The following DOCK4 variants were observed in gnomAD, a reference collection of about 807,000 sequenced individuals.
The protein encoded by DOCK4 is dedicator of cytokinesis 4.
A neutral mutation model predicts 268.1 loss-of-function variants in DOCK4; 97 were observed. The observed-to-expected ratio is 0.36, with a 90% CI of 0.31 to 0.43. The LOEUF is 0.43. Among genes scored for constraint, DOCK4 ranks in the 20% least tolerant of loss-of-function variants. DOCK4 has a pLI of 1.00. For missense variants in DOCK4, 2,145 were observed against 2,455.7 expected (o/e 0.87, Z 2.67); for synonymous variants, 954 against 887.2 (o/e 1.08, Z -1.34).
chr7:111,736,299 AAGCCCCGACCCCGT>A (rs1289179409), intron 50 of DOCK4, among the ~76,000 whole-genome samples: 2 of 152,114 alleles, frequency 1.3e-5, no homozygotes, highest in Non-Finnish European at 2.9e-5. Flanking sequence ...GACTTGCTGC[AAGCCCCGACCCCGT>A]AGCTGAGGAA....
chr7:112,130,896 CAG>C (rs1322552324), intron 1 of DOCK4, among the ~76,000 whole-genome samples: 7 of 152,196 alleles, frequency 4.6e-5, no homozygotes, highest in African/African-American at 7.2e-5. Context: ...GTCTCTGGAA[CAG>C]AGTCTTTATT....
intron 16 of DOCK4, among the ~76,000 whole-genome samples, chr7:111,878,268 T>C (rs938366107): frequency 2.6e-5 from 4 of 152,254 alleles, no homozygotes; most frequent in African/African-American, 9.6e-5. Context: ...CCTGCTGATG[T>C]GTCCGACTTT....
At chr7:111,883,462 T>A (rs1205057630) in intron 16 of DOCK4, among the ~76,000 whole-genome samples, 1 of 152,186 alleles carries the variant, frequency 6.6e-6, no homozygotes, top group Non-Finnish European at 1.5e-5. Context: ...GAGCCTGCCC[T>A]GGTCTAGTAT....
intron 1 of DOCK4, among the ~76,000 whole-genome samples, chr7:112,060,291 G>A (rs1444526233): frequency 6.6e-6 from 1 of 152,088 alleles, no homozygotes; most frequent in African/African-American, 2.4e-5. Context: ...CATTAGAATG[G>A]CTTCTATCAA....
rs149907336 is a variant in DOCK4 at position 111,858,188 on chromosome 7, T to C, written c.2473+5184A>G. ...TTCAGACAACATTTCATTCCCTTCT[T>C]TGGTGCTGACATTCACATATGTCCT... On this transcript the variant is annotated intron_variant, in intron 23 of 52. Coordinates refer to ENST00000428084, the MANE Select transcript of DOCK4 (RefSeq NM_001363540.2). Among the ~76,000 whole-genome samples the C allele has an allele frequency of 9.5e-3, 1,454 of 152,284 alleles. 20 individuals carry two copies. Among genetic ancestry groups the C allele is most frequent in the African/African-American group, 0.033 (1,369 of 41,562 alleles).
chr7:111,892,651 T>A (rs1329654196), intron 16 of DOCK4, among the ~76,000 whole-genome samples: 1 of 152,244 alleles, frequency 6.6e-6, no homozygotes, highest in Non-Finnish European at 1.5e-5. Flanking sequence ...TAATTTGAAA[T>A]ACACTTCTCT....
chr7:112,028,218 C>G (rs1476421911), intron 1 of DOCK4, among the ~76,000 whole-genome samples: 1 of 152,116 alleles, frequency 6.6e-6, no homozygotes, highest in Non-Finnish European at 1.5e-5. Context: ...AAAAGATTAA[C>G]CTGAAGAAGG....
intron 23 of DOCK4, among the ~76,000 whole-genome samples, chr7:111,853,755 G>A (rs1215335375): frequency 6.6e-6 from 1 of 152,116 alleles, no homozygotes; most frequent in Admixed American, 6.6e-5. Flanking sequence ...CATGTACTGT[G>A]TACATCTTAC....
chr7:112,100,611 T>G (rs1175952894), intron 1 of DOCK4, among the ~76,000 whole-genome samples: 1 of 152,192 alleles, frequency 6.6e-6, no homozygotes, highest in East Asian at 1.9e-4. Context: ...GTACTTTGAG[T>G]AGCTTCCACT....
intron 1 of DOCK4, among the ~76,000 whole-genome samples, chr7:112,187,588 C>T (rs1042349204): frequency 3.3e-5 from 5 of 152,122 alleles, no homozygotes; most frequent in African/African-American, 7.2e-5. Context: ...AAATGGCAAG[C>T]GAAAGTAGGA....
chr7:112,084,483 G>C (rs565948980), intron 1 of DOCK4, among the ~76,000 whole-genome samples: 1 of 152,108 alleles, frequency 6.6e-6, no homozygotes, highest in East Asian at 1.9e-4. Context: ...CAGCAAAAGG[G>C]AATGAGCATT....
At chr7:112,189,638 C>T (rs1258088108) in intron 1 of DOCK4, among the ~76,000 whole-genome samples, 1 of 151,146 alleles carries the variant, frequency 6.6e-6, no homozygotes, top group Non-Finnish European at 1.5e-5. Flanking sequence ...GCAGAGGATA[C>T]AATAAAAATA....
Position 111,822,456 on chromosome 7 carries a change from C to T in DOCK4, c.2836G>A (p.Asp946Asn), listed in dbSNP as rs772412761. The change falls in exon 27 of 53, where the codon GAT (aspartate) becomes AAT (asparagine). Residue 946 changes from aspartate (D) to asparagine (N), a missense_variant and splice_region_variant. Around this residue, in one of 2 missense-constraint regions of DOCK4, gnomAD observed 1,598 missense variants for 1,986.7 expected, o/e 0.80. Transcript: ENST00000428084. ...DSFNTKEELR[D>N]FLLQIFTVFR... ...ACAGTAAATATCTGCAGCAGGAAAT[C>T]CTTGGATAAGGAGAAAATAGATCAT... 3.7e-6 allele frequency: 6 copies of T among 1,610,704 alleles called. No homozygotes were observed. In the South Asian group the frequency reaches 6.7e-5, roughly 18 times the overall value.
At chr7:111,908,875 G>A (rs780688647) in intron 13 of DOCK4, among the ~76,000 whole-genome samples, 1 of 151,888 alleles carries the variant, frequency 6.6e-6, no homozygotes, top group Non-Finnish European at 1.5e-5. Context: ...TCTTCTTTAG[G>A]GCTGCATAGT....
rs564039337 is a variant in DOCK4 at position 112,193,598 on chromosome 7, T to TAAAAAAAAA, written c.37+12495_37+12503dup. On this transcript the variant is annotated intron_variant, in intron 1 of 52. Coordinates refer to ENST00000428084, the MANE Select transcript of DOCK4 (RefSeq NM_001363540.2). ...TGAGCGACAGAGCCAGACCATGCCT[T>TAAAAAAAAA]AAAAAAAAAAAAAAAAAATTCTAGC... 2.7e-3 allele frequency among the ~76,000 whole-genome samples: 360 copies of TAAAAAAAAA among 132,144 alleles called. 1 individual carries two copies. Among genetic ancestry groups the TAAAAAAAAA allele is most frequent in the African/African-American group, 7.6e-3 (270 of 35,332 alleles). The allele number at this position is 132,144 out of a possible 152,430, so 86.7% of individuals were successfully genotyped here. A position where few individuals can be genotyped will look rare whatever the true frequency, so the allele number is the denominator to read the frequency against.
At chr7:112,022,440 A>T (rs1218682845) in intron 1 of DOCK4, among the ~76,000 whole-genome samples, 1 of 152,194 alleles carries the variant, frequency 6.6e-6, no homozygotes, top group African/African-American at 2.4e-5. Flanking sequence ...AGCTGTAATT[A>T]CTGCTCCTTG....
intron 1 of DOCK4, among the ~76,000 whole-genome samples, chr7:112,019,952 G>A (rs570178365): frequency 1.3e-5 from 2 of 152,278 alleles, no homozygotes; most frequent in African/African-American, 2.4e-5. Flanking sequence ...GTTAAGCCTA[G>A]AACTAAGTCA....
intron 16 of DOCK4, among the ~76,000 whole-genome samples, chr7:111,895,324 G>A (rs1808652231): frequency 6.6e-6 from 1 of 152,080 alleles, no homozygotes; most frequent in Admixed American, 6.6e-5. Flanking sequence ...TTATTTGTAA[G>A]GTTTACTTAA....
At chr7:112,121,040 G>A (rs1430281723) in intron 1 of DOCK4, among the ~76,000 whole-genome samples, 1 of 152,156 alleles carries the variant, frequency 6.6e-6, no homozygotes, top group Non-Finnish European at 1.5e-5. Context: ...TTAGCATAAA[G>A]GAGACATTTA....
Sources: allele counts gnomAD v4.1 joint callset (sites outside exome capture counted in the v4.1 genomes callset), GRCh38; gene constraint gnomAD v4.1.1; regional missense constraint gnomAD v4.1.1; transcripts MANE v1.5; gene names NCBI Gene and HGNC (gene_info 2026-07-23, HGNC 2026-07-21).